Variants in PITRM1 observed in about 807,000 individuals in gnomAD.
PITRM1 encodes pitrilysin metallopeptidase 1, also known as presequence protease, mitochondrial.
In PITRM1, 100 loss-of-function variants were observed where a neutral mutation model predicts 129.9. That is an observed-to-expected ratio of 0.77 (90% CI 0.65 to 0.91). PITRM1 has a LOEUF of 0.91. PITRM1 is among the 40% of genes least tolerant of loss of function. The pLI, the probability that PITRM1 is intolerant of heterozygous loss-of-function variation, is 0.00. For synonymous variants in PITRM1, 591 were observed against 508.8 expected, an observed-to-expected ratio of 1.16 and a Z score of -2.17; for missense variants, 1,471 against 1,318.3, an observed-to-expected ratio of 1.12 and a Z score of -1.79.
intron 14 of PITRM1, among the ~76,000 whole-genome samples, chr10:3,153,875 T>A (rs909273549): frequency 6.6e-6 from 1 of 152,240 alleles, no homozygotes; most frequent in Non-Finnish European, 1.5e-5. Flanking sequence ...CATGTGTGTA[T>A]GTGTTGCATC....
intron 7 of PITRM1, chr10:3,163,517 C>A (rs6602033): frequency 0.66 from 283,306 of 427,244 alleles, 95,035 homozygotes; most frequent in Non-Finnish European, 0.7. Context: ...TTTGTAACCA[C>A]CATGCTGAGC....
At chr10:3,146,322 C>T (rs1265433192) in intron 20 of PITRM1, 1 of 152,998 alleles carries the variant, frequency 6.5e-6, no homozygotes, top group Non-Finnish European at 1.5e-5. Flanking sequence ...TATATTAATA[C>T]TAACTATATC....
intron 23 of PITRM1, 178 bp downstream of exon 23, chr10:3,143,211 T>C (rs1255015440): frequency 6.7e-6 from 4 of 597,032 alleles, no homozygotes; most frequent in African/African-American, 1.9e-5. Flanking sequence ...ACTGGGTCTC[T>C]GTTCACAAAG....
Position 3,145,479 on chromosome 10 carries a change from G to A in PITRM1, c.2457+117C>T. ...CTCAGTTTCTTCATCTGCGTACGGGGGATATGAACCCCCACATGCTGGACT... is the reference window on the plus strand; with the variant it reads ...CTCAGTTTCTTCATCTGCGTACGGGAGATATGAACCCCCACATGCTGGACT... On this transcript the variant is annotated intron_variant, in intron 21 of 26. Transcript: ENST00000224949. 4 of 815,668 alleles carry A rather than the reference G, an allele frequency of 4.9e-6. No homozygotes were observed. The South Asian group carries it at 6.8e-5, about 14-fold the overall frequency. 50.5% of individuals were successfully genotyped at this position (815,668 alleles called of 1,614,324 possible). A position where few individuals can be genotyped will look rare whatever the true frequency, so the allele number is the denominator to read the frequency against.
At chr10:3,161,937 G>A (rs1469869294) in intron 7 of PITRM1, among the ~76,000 whole-genome samples, 4 of 151,848 alleles carry the variant, frequency 2.6e-5, no homozygotes, top group Admixed American at 2.6e-4. Flanking sequence ...CACTTTGGGA[G>A]GTCAAGGTGG....
intron 14 of PITRM1, among the ~76,000 whole-genome samples, chr10:3,153,165 C>A (rs1033662706): frequency 3.9e-5 from 6 of 152,176 alleles, no homozygotes; most frequent in African/African-American, 1.4e-4. Flanking sequence ...AGCTACACAG[C>A]GAGTGTGTAA....
At chr10:3,154,566 T>G (rs1375998865) in intron 14 of PITRM1, among the ~76,000 whole-genome samples, 2 of 152,238 alleles carry the variant, frequency 1.3e-5, no homozygotes, top group Non-Finnish European at 2.9e-5. Flanking sequence ...TACATTTCCC[T>G]AAGAAAGTAA....
At chr10:3,161,518 T>G (rs1474560441) in intron 7 of PITRM1, among the ~76,000 whole-genome samples, 2 of 152,158 alleles carry the variant, frequency 1.3e-5, no homozygotes, top group Non-Finnish European at 2.9e-5. Flanking sequence ...TTTTACACAC[T>G]CGGGGTTGAG....
Position 3,163,755 on chromosome 10 carries a change from TG to T in PITRM1, c.760del (p.His254MetfsTer20), listed in dbSNP as rs766397704. The T allele has an allele frequency of 6.2e-7, 1 of 1,612,302 alleles. No individual in the cohort carries two copies. Among genetic ancestry groups the T allele is most frequent in the South Asian group, 1.1e-5 (1 of 90,608 alleles). On this transcript the variant is annotated frameshift_variant, in exon 7 of 27. Coordinates refer to ENST00000224949, the MANE Select transcript of PITRM1 (RefSeq NM_014889.4). LOFTEE classifies it high-confidence loss of function. The part of the protein sequence containing the change: ...ELTWEQLKQF[H>X]ATHYHPSNAR... ...ATTGCTTGGGTGATAGTGAGTGGCA[TG>T]AAACTGCTTAAGCTGCTCCCATGTA...
At chr10:3,155,053 C>T (rs1000353912) in intron 14 of PITRM1, among the ~76,000 whole-genome samples, 5 of 152,208 alleles carry the variant, frequency 3.3e-5, no homozygotes, top group African/African-American at 9.6e-5. Flanking sequence ...ATGAAGCACC[C>T]GTGTGCTCCC....
At chr10:3,152,902 G>A (rs1441043300) in intron 14 of PITRM1, among the ~76,000 whole-genome samples, 1 of 152,200 alleles carries the variant, frequency 6.6e-6, no homozygotes, top group Admixed American at 6.5e-5. Flanking sequence ...TCTCTTCTCT[G>A]TTTTCTTTCA....
At position 3,159,923 on chromosome 10, in the gene PITRM1, A is replaced by G; in HGVS notation, c.932T>C (p.Ile311Thr). Residue 311 changes from isoleucine to threonine, a missense_variant, in exon 9 of 27, where the codon ATA becomes ACA. Transcript: ENST00000224949. ...TPWDKPREFQITCGPDSFATD... is the reference protein window; with the variant it reads ...TPWDKPREFQTTCGPDSFATD... The stretch of plus-strand genomic sequence containing the variant: ...AGCAAATGAATCCGGGCCACATGTT[A>G]TCTGGAATTCCCTCTGTAAAATGAC... 2 of 1,599,142 alleles carry G rather than the reference A, an allele frequency of 1.3e-6. No individual in the cohort carries two copies. The highest frequency in any genetic ancestry group is 2.7e-5 in the African/African-American group (2 of 74,890).
At chr10:3,147,534 T>TAAAC (rs1564398529) in intron 19 of PITRM1, 38 bp downstream of exon 19, 1 of 1,598,984 alleles carries the variant, frequency 6.3e-7, no homozygotes, top group East Asian at 2.2e-5. Context: ...AATATGTGGC[T>TAAAC]AAACCGGAGT....
intron 8 of PITRM1, 75 bp from the exon 9 acceptor site, chr10:3,160,011 C>A (rs188203117): frequency 1.6e-6 from 2 of 1,239,412 alleles, no homozygotes; most frequent in Admixed American, 2.0e-5. Flanking sequence ...TCTGGATACA[C>A]GAAATGGAGC....
intron 7 of PITRM1, among the ~76,000 whole-genome samples, chr10:3,162,176 A>C (rs1380330177): frequency 6.6e-6 from 1 of 151,738 alleles, no homozygotes; most frequent in Non-Finnish European, 1.5e-5. Context: ...AAAAAAAAAA[A>C]AAACAAGACA....
rs368584310 is a variant in PITRM1 at position 3,137,841 on chromosome 10, A to C, written c.*190T>G. 8 of 579,182 alleles carry C rather than the reference A, an allele frequency of 1.4e-5. No individual in the cohort carries two copies. The East Asian group carries it at 2.3e-4, about 17-fold the overall frequency. 35.9% of individuals were successfully genotyped at this position (579,182 alleles called of 1,614,324 possible). A position where few individuals can be genotyped will look rare whatever the true frequency, so the allele number is the denominator to read the frequency against. ...ATGGTGCATCTTTGGCGCTTCATGCATGATTATTTCAATGAACCTCTTCCT... is the reference window on the plus strand; with the variant it reads ...ATGGTGCATCTTTGGCGCTTCATGCCTGATTATTTCAATGAACCTCTTCCT... On this transcript the variant is annotated 3_prime_UTR_variant, in exon 27 of 27. Transcript: ENST00000224949.
At chr10:3,156,033 A>T (rs1841955252) in intron 13 of PITRM1, among the ~76,000 whole-genome samples, 2 of 152,190 alleles carry the variant, frequency 1.3e-5, no homozygotes, top group Non-Finnish European at 2.9e-5. Flanking sequence ...TTTTCATTAC[A>T]TCTTAGTTGT....
At chr10:3,150,523 C>T (rs1034351791) in intron 15 of PITRM1, among the ~76,000 whole-genome samples, 2 of 152,140 alleles carry the variant, frequency 1.3e-5, no homozygotes. Flanking sequence ...ATCCCATCCC[C>T]GTCCTCAAGG....
chr10:3,151,182 G>T, intron 15 of PITRM1, 65 bp downstream of exon 15: 1 of 859,618 alleles, frequency 1.2e-6, no homozygotes. Flanking sequence ...CTGCTTCTGT[G>T]AGGAGTGACA....
Sources: allele counts gnomAD v4.1 joint callset (sites outside exome capture counted in the v4.1 genomes callset), GRCh38; gene constraint gnomAD v4.1.1; transcripts MANE v1.5; gene names NCBI Gene and HGNC (gene_info 2026-07-23, HGNC 2026-07-21).